Variants in FBN1 observed in about 807,000 individuals in gnomAD.
FBN1 encodes the protein fibrillin-1.
A neutral mutation model predicts 365.1 loss-of-function variants in FBN1; 29 were observed. The observed-to-expected ratio is 0.08, with a 90% CI of 0.06 to 0.11. The LOEUF (loss-of-function observed/expected upper bound fraction) is 0.11. FBN1 is among the 10% of genes least tolerant of loss of function. The pLI, the probability that FBN1 is intolerant of heterozygous loss-of-function variation, is 1.00. For synonymous variants in FBN1, 1,210 were observed against 1,270.5 expected, an observed-to-expected ratio of 0.95 and a Z score of 1.01; for missense variants, 2,476 against 3,703.2, an observed-to-expected ratio of 0.67 and a Z score of 8.60.
intron 43 of FBN1, among the ~76,000 whole-genome samples, chr15:48,458,892 A>C (rs1325541324): frequency 1.3e-5 from 2 of 152,230 alleles, no homozygotes; most frequent in African/African-American, 2.4e-5. Flanking sequence ...GTCATGCTGG[A>C]ATTTGGTAAC....
chr15:48,417,170 C>G (rs2042908407), intron 63 of FBN1, among the ~76,000 whole-genome samples: 1 of 151,218 alleles, frequency 6.6e-6, no homozygotes, highest in Non-Finnish European at 1.5e-5. Context: ...TTCCTTTCTC[C>G]TGTAATTAGT....
At position 48,613,092 on chromosome 15, in the gene FBN1, T is replaced by C. The variant is rs764533471; in HGVS notation, c.165A>G (p.Gly55=). The change falls in exon 3 of 66, where the codon GGA becomes GGG. Residue 55 remains glycine (G), a splice_region_variant and synonymous_variant. Coordinates refer to ENST00000316623, the MANE Select transcript of FBN1 (RefSeq NM_000138.5). ...RGGGGHDALK[G]PNVCGSRYNA... is the part of the protein sequence containing the mutation. ...TATAACGTGATCCACAGACATTGGGTCTAAAACAAAAACAGAAGAATTCCA... is the reference window on the plus strand; with the variant it reads ...TATAACGTGATCCACAGACATTGGGCCTAAAACAAAAACAGAAGAATTCCA... 3 of 1,610,694 alleles carry C rather than the reference T, an allele frequency of 1.9e-6. No homozygotes were observed. Among genetic ancestry groups the C allele is most frequent in the South Asian group, 1.1e-5 (1 of 91,000 alleles).
intron 63 of FBN1, among the ~76,000 whole-genome samples, chr15:48,420,234 C>T (rs1304873492): frequency 6.6e-6 from 1 of 152,120 alleles, no homozygotes; most frequent in Non-Finnish European, 1.5e-5. Context: ...AAAAACACAA[C>T]CTTGCTGTGT....
At chr15:48,573,842 A>G (rs1436298212) in intron 6 of FBN1, among the ~76,000 whole-genome samples, 1 of 152,264 alleles carries the variant, frequency 6.6e-6, no homozygotes, top group Non-Finnish European at 1.5e-5. Context: ...TGATGAGGGT[A>G]GGCTGTGCAG....
At chr15:48,513,016 T>G (rs780797252) in intron 13 of FBN1, among the ~76,000 whole-genome samples, 4 of 152,230 alleles carry the variant, frequency 2.6e-5, no homozygotes, top group Non-Finnish European at 5.9e-5. Flanking sequence ...CAAACTTCAA[T>G]GTACATACAG....
chr15:48,550,119 T>G (rs1341502024), intron 6 of FBN1, among the ~76,000 whole-genome samples: 1 of 152,220 alleles, frequency 6.6e-6, no homozygotes, highest in Non-Finnish European at 1.5e-5. Context: ...GCAACTAATT[T>G]GCTGTTCGTC....
intron 63 of FBN1, among the ~76,000 whole-genome samples, chr15:48,416,278 T>C (rs1159872347): frequency 6.6e-6 from 1 of 152,206 alleles, no homozygotes; most frequent in African/African-American, 2.4e-5. Context: ...TGTCAGCCTA[T>C]TTCAGGATAT....
rs979951050 is a variant in FBN1 at position 48,413,194 on chromosome 15, C to T, written c.8052-451G>A. 2.5e-4 allele frequency among the ~76,000 whole-genome samples: 38 copies of T among 152,206 alleles called. 1 individual carries two copies. The highest frequency in any genetic ancestry group is 2.5e-3 in the Admixed American group (38 of 15,282). ...TGAGTTTCTTGCATTCTCCCACTTC[C>T]ATCATTACTTTTCCTCACTCAAGCT... is the stretch of plus-strand genomic sequence containing the variant. On this transcript the variant is annotated intron_variant, in intron 64 of 65. Coordinates refer to ENST00000316623, the MANE Select transcript of FBN1 (RefSeq NM_000138.5).
At chr15:48,522,834 C>T (rs568563340) in intron 9 of FBN1, among the ~76,000 whole-genome samples, 9 of 152,286 alleles carry the variant, frequency 5.9e-5, no homozygotes, top group Admixed American at 5.2e-4. Context: ...CTTAAAACCA[C>T]TAGCCAGTAT....
In FBN1 at chr15:48,526,904, A is replaced by T. The variant is rs565992564; in HGVS notation, c.863-649T>A. 8.7e-4 allele frequency among the ~76,000 whole-genome samples: 133 copies of T among 152,322 alleles called. No homozygotes were observed. In the Middle Eastern group the frequency reaches 0.014, roughly 16 times the overall value. The stretch of plus-strand genomic sequence containing the variant: ...TGTCAACACACGGTCTTTGGCTCTC[A>T]GCCCCTTCTAAGATTGCCTGAGTCG... On this transcript the variant is annotated intron_variant, in intron 8 of 65. Coordinates refer to ENST00000316623, the MANE Select transcript of FBN1 (RefSeq NM_000138.5).
chr15:48,570,066 C>A (rs972636650), intron 6 of FBN1, among the ~76,000 whole-genome samples: 44 of 152,064 alleles, frequency 2.9e-4, no homozygotes, highest in African/African-American at 1.1e-3. Flanking sequence ...ACCTACAAGT[C>A]TGTGGTCAGA....
intron 6 of FBN1, among the ~76,000 whole-genome samples, chr15:48,540,796 A>C (rs2044052216): frequency 6.6e-6 from 1 of 152,314 alleles, no homozygotes; most frequent in East Asian, 1.9e-4. Flanking sequence ...AAATGCTTTA[A>C]TCAAACAGAT....
intron 64 of FBN1, 42 bp downstream of exon 64, chr15:48,415,494 A>C: frequency 7.0e-7 from 1 of 1,429,060 alleles, no homozygotes; most frequent in Non-Finnish European, 9.9e-7. Flanking sequence ...TATATTACGA[A>C]TGAAAGAATC....
intron 2 of FBN1, chr15:48,644,166 C>T (rs927198520): frequency 1.1e-5 from 2 of 180,474 alleles, no homozygotes; most frequent in African/African-American, 4.7e-5. Context: ...TGTGATTTCT[C>T]CTCTGACTGT....
intron 34 of FBN1, among the ~76,000 whole-genome samples, chr15:48,473,527 A>C (rs911260574): frequency 3.2e-4 from 49 of 152,230 alleles, no homozygotes; most frequent in Middle Eastern, 3.2e-3. Flanking sequence ...ATAGAAGTTT[A>C]TGTTAATTCT....
At chr15:48,509,075 C>G (rs2043737602) in intron 14 of FBN1, among the ~76,000 whole-genome samples, 2 of 152,120 alleles carry the variant, frequency 1.3e-5, no homozygotes, top group African/African-American at 4.8e-5. Flanking sequence ...ACTTCTAATG[C>G]TCTGAATATG....
intron 42 of FBN1, among the ~76,000 whole-genome samples, chr15:48,461,116 A>G (rs1250912534): frequency 6.6e-6 from 1 of 152,152 alleles, no homozygotes; most frequent in Non-Finnish European, 1.5e-5. Flanking sequence ...ACAGCATGTT[A>G]TTCTCCTTGT....
rs2044552423 is a variant in FBN1 at position 48,600,321 on chromosome 15, A to G, written c.347-87T>C. 6.4e-6 allele frequency: 6 copies of G among 942,358 alleles called. No homozygotes were observed. In the African/African-American group the frequency reaches 6.5e-5, roughly 10 times the overall value. The allele number at this position is 942,358 out of a possible 1,614,324, so 58.4% of individuals were successfully genotyped here. A position where few individuals can be genotyped will look rare whatever the true frequency, so the allele number is the denominator to read the frequency against. ...CAGGAGTTGATTTGTAGTTATTTGA[A>G]GAGAAAATCAAATAGCTTATCAGGA... On this transcript the variant is annotated intron_variant, in intron 4 of 65. Transcript: ENST00000316623.
chr15:48,578,123 G>A lies in FBN1; in HGVS notation c.538+18160C>T, dbSNP rs549628160. On this transcript the variant is annotated intron_variant, in intron 6 of 65. Coordinates refer to ENST00000316623, the MANE Select transcript of FBN1 (RefSeq NM_000138.5). ...GAATTGAAAGTGATGCTACTGGTTC[G>A]TGTATTTGAGAAGAAAATATATTTT... is the stretch of plus-strand genomic sequence containing the variant. Among the ~76,000 whole-genome samples the A allele has an allele frequency of 3.4e-4, 52 of 152,264 alleles. 1 individual carries two copies. In the South Asian group the frequency reaches 9.1e-3, roughly 27 times the overall value.
Sources: gnomAD v4.1 joint callset for allele counts (sites outside exome capture counted in the v4.1 genomes callset) on GRCh38, gnomAD v4.1.1 for gene constraint, MANE v1.5 for transcripts, NCBI Gene and HGNC (gene_info 2026-07-23, HGNC 2026-07-21) for gene names.